Variants in DNAH2 observed in about 807,000 individuals in gnomAD.
The protein encoded by DNAH2 is axonemal beta dynein heavy chain 2.
Under a neutral mutation model 523.5 loss-of-function variants are expected in DNAH2, and 323 were observed. That is an observed-to-expected ratio of 0.62 (90% CI 0.56 to 0.68). DNAH2 has a LOEUF of 0.68. Among genes scored for constraint, DNAH2 ranks in the 30% least tolerant of loss-of-function variants. The pLI, the probability that DNAH2 is intolerant of heterozygous loss-of-function variation, is 0.00. For synonymous variants in DNAH2, 2,093 were observed against 2,177.4 expected (o/e 0.96, Z 1.08); for missense variants, 4,907 against 5,701.5 (o/e 0.86, Z 4.49).
At chr17:7,804,187 G>A (rs2077299385) in intron 58 of DNAH2, 69 bp from the exon 59 acceptor site, 1 of 1,516,686 alleles carries the variant, frequency 6.6e-7, no homozygotes, top group Non-Finnish European at 9.0e-7. Flanking sequence ...CGGGGAAGGT[G>A]GACCTTACAG....
chr17:7,817,706 A>G lies in DNAH2; in HGVS notation c.10166A>G (p.Asn3389Ser). 6.2e-7 allele frequency: 1 copy of G among 1,614,078 alleles called. No individual in the cohort carries two copies. Among genetic ancestry groups the G allele is most frequent in the Non-Finnish European group, 8.5e-7 (1 of 1,179,984 alleles). Residue 3389 changes from asparagine to serine, a missense_variant, in exon 66 of 86, where the codon AAC becomes AGC. Transcript: ENST00000572933. ...TENGIIVTRG[N>S]RWALMIDPQA... ...AATGGCATCATCGTCACCCGAGGCA[A>G]CAGGTGAGGGTGCTGCTGGGCGTGG...
At chr17:7,802,854 G>A (rs1466786606) in intron 58 of DNAH2, among the ~76,000 whole-genome samples, 1 of 145,642 alleles carries the variant, frequency 6.9e-6, no homozygotes, top group Non-Finnish European at 1.5e-5. Context: ...TGTATTTTTA[G>A]TAGAGACAGG....
At chr17:7,784,402 G>T (rs1348123168) in intron 39 of DNAH2, among the ~76,000 whole-genome samples, 1 of 152,150 alleles carries the variant, frequency 6.6e-6, no homozygotes, top group African/African-American at 2.4e-5. Context: ...AATCGGCCAG[G>T]CATGTTGGCT....
chr17:7,757,322 T>G (rs2075872209), intron 13 of DNAH2, 85 bp downstream of exon 13: 1 of 1,489,658 alleles, frequency 6.7e-7, no homozygotes, highest in Non-Finnish European at 9.0e-7. Context: ...TGTTGTTCAT[T>G]TTCTACAATT....
At position 7,771,406 on chromosome 17, in the gene DNAH2, G is replaced by A; in HGVS notation, c.4439G>A (p.Trp1480Ter). 6.2e-7 allele frequency: 1 copy of A among 1,613,998 alleles called. No homozygotes were observed. Among genetic ancestry groups the A allele is most frequent in the Admixed American group, 1.7e-5 (1 of 59,994 alleles). ...STLFDQVNSN[W>*]KAIMDRMNKD... The stretch of plus-strand genomic sequence containing the variant: ...TTATTTGACCAGGTCAACAGCAACT[G>A]GAAAGCCATCATGGACAGGATGAAC... Residue 1480 changes from tryptophan to a stop codon, truncating the protein, a stop_gained, in exon 28 of 86, where the codon TGG becomes TAG. Coordinates refer to ENST00000572933, the MANE Select transcript of DNAH2 (RefSeq NM_020877.5). LOFTEE classifies it high-confidence loss of function.
In DNAH2 at chr17:7,786,442, T is replaced by C; in HGVS notation, c.6348+100T>C. The C allele has an allele frequency of 6.7e-7, 1 of 1,487,782 alleles. No homozygotes were observed. The highest frequency in any genetic ancestry group is 9.2e-7 in the Non-Finnish European group (1 of 1,091,556). 92.2% of individuals were successfully genotyped at this position (1,487,782 alleles called of 1,614,324 possible). On this transcript the variant is annotated intron_variant, in intron 40 of 85. Transcript: ENST00000572933. The surrounding 1 kb of genome is among the most constrained non-coding windows in gnomAD (Gnocchi z 7.5). ...GAGGACCTTGCAAGGCCGGGAGAGCTGTACCTGGGACCATGGTGGCCTGGA... is the reference window on the plus strand; with the variant it reads ...GAGGACCTTGCAAGGCCGGGAGAGCCGTACCTGGGACCATGGTGGCCTGGA...
At chr17:7,755,805 T>A (rs1399705840) in intron 12 of DNAH2, among the ~76,000 whole-genome samples, 1 of 139,384 alleles carries the variant, frequency 7.2e-6, no homozygotes, top group East Asian at 2.0e-4. Context: ...TTGCCTGGTA[T>A]CTCTTTTTTT....
chr17:7,750,567 G>C (rs992737231), intron 12 of DNAH2, among the ~76,000 whole-genome samples: 1 of 152,072 alleles, frequency 6.6e-6, no homozygotes, highest in African/African-American at 2.4e-5. Context: ...CCCTCTGCTT[G>C]TTGTACATTT....
intron 50 of DNAH2, among the ~76,000 whole-genome samples, chr17:7,796,943 A>AAC (rs2151284660): frequency 6.7e-6 from 1 of 148,960 alleles, no homozygotes; most frequent in Non-Finnish European, 1.5e-5. Flanking sequence ...TACAAAAAAA[A>AAC]AAAAAAAAAT....
intron 63 of DNAH2, among the ~76,000 whole-genome samples, chr17:7,813,467 T>A (rs2077575948): frequency 6.6e-6 from 1 of 152,194 alleles, no homozygotes; most frequent in Non-Finnish European, 1.5e-5. Context: ...GTAGGAGACT[T>A]GTTACATAAA....
At chr17:7,793,518 C>CTT (rs1227502000) in intron 48 of DNAH2, among the ~76,000 whole-genome samples, 3 of 75,198 alleles carry the variant, frequency 4.0e-5, no homozygotes, top group Non-Finnish European at 6.2e-5. Flanking sequence ...TTTCTTTCTT[C>CTT]TCTTTCTCTT....
rs1435060459 is a variant in DNAH2, at chr17:7,807,011, AGG to A, written c.9443-136_9443-135del. The A allele has an allele frequency of 4.1e-6, 4 of 980,596 alleles. No individual in the cohort carries two copies. In the African/African-American group the frequency reaches 4.9e-5, roughly 12 times the overall value. The allele number at this position is 980,596 out of a possible 1,614,324, so 60.7% of individuals were successfully genotyped here. On this transcript the variant is annotated intron_variant, in intron 61 of 85. Coordinates refer to ENST00000572933, the MANE Select transcript of DNAH2 (RefSeq NM_020877.5). The surrounding 1 kb of genome is among the most constrained non-coding windows in gnomAD (Gnocchi z 5.6). Reference sequence around the variant, plus strand: ...CAGAGTCAAGTCAGAGGGAGGAACTAGGGGCCAGGTCAGATAATTTGGCCTTA... The same window carrying A: ...CAGAGTCAAGTCAGAGGGAGGAACTAGGCCAGGTCAGATAATTTGGCCTTA...
chr17:7,769,544 T>C (rs2076260727), intron 24 of DNAH2, among the ~76,000 whole-genome samples: 1 of 152,240 alleles, frequency 6.6e-6, no homozygotes, highest in African/African-American at 2.4e-5. Context: ...TTTTTGCCTT[T>C]GTGCCTTGTT....
Position 7,770,864 on chromosome 17 carries a change from C to T in DNAH2, c.4293C>T (p.Arg1431=), listed in dbSNP as rs1472277295. 2 of 1,614,064 alleles carry T rather than the reference C, an allele frequency of 1.2e-6. No homozygotes were observed. The highest frequency in any genetic ancestry group is 1.7e-6 in the Non-Finnish European group (2 of 1,180,048). Residue 1431 remains arginine, a synonymous_variant, in exon 27 of 86, where the codon CGC becomes CGT. Coordinates refer to ENST00000572933, the MANE Select transcript of DNAH2 (RefSeq NM_020877.5). ...AGAAGGATGTGGACCACTGGGAACG[C>T]TGCCTCTCCCTCATTTTGGAGGTTA... The part of the protein sequence containing the change: ...AFEKDVDHWE[R]CLSLILEVIE...
chr17:7,742,582 C>T lies in DNAH2; in HGVS notation c.1690-346C>T, dbSNP rs78264166. On this transcript the variant is annotated intron_variant, in intron 11 of 85. Transcript: ENST00000572933. ...AGGCTGGTTTGGGCCTGGTGGACTA[C>T]GCCCAGGCTAGGAAGGGCTGATACT... is the stretch of plus-strand genomic sequence containing the variant. Among the ~76,000 whole-genome samples, 8 of 152,236 alleles carry T rather than the reference C, an allele frequency of 5.3e-5. No homozygotes were observed. The East Asian group carries it at 1.2e-3, about 22-fold the overall frequency.
chr17:7,727,605 A>T (rs2074859636), intron 4 of DNAH2, among the ~76,000 whole-genome samples: 2 of 151,876 alleles, frequency 1.3e-5, no homozygotes, highest in East Asian at 3.9e-4. Flanking sequence ...AAAATACAAA[A>T]ATTAGCCAGA....
Position 7,832,630 on chromosome 17 carries a change from C to T in DNAH2, c.12778C>T (p.Arg4260Cys), listed in dbSNP as rs2078215301. ...LAAWTRDLAM[R>C]VEQFELWASR... ...TGCCTGGACCCGGGACTTGGCCATG[C>T]GTGTGGAGCAGTTTGAGCTGTGGGC... Residue 4260 changes from arginine (R) to cysteine (C), a missense_variant, in exon 83 of 86, where the codon CGT (arginine) becomes TGT (cysteine). Transcript: ENST00000572933. The surrounding 1 kb of genome is among the most constrained non-coding windows in gnomAD (Gnocchi z 4.3). 1.9e-6 allele frequency: 3 copies of T among 1,614,160 alleles called. No homozygotes were observed. The highest frequency in any genetic ancestry group is 1.3e-5 in the African/African-American group (1 of 75,052).
At chr17:7,778,879 C>T (rs1350933530) in intron 35 of DNAH2, among the ~76,000 whole-genome samples, 1 of 152,158 alleles carries the variant, frequency 6.6e-6, no homozygotes, top group South Asian at 2.1e-4. Context: ...ACGTATAATT[C>T]TTACAACTAG....
chr17:7,822,821 T>C (rs1157028297), intron 73 of DNAH2, among the ~76,000 whole-genome samples: 1 of 152,124 alleles, frequency 6.6e-6, no homozygotes, highest in Non-Finnish European at 1.5e-5. Context: ...GTAAATAGTT[T>C]GTGCTTCTGT....
Sources: allele counts gnomAD v4.1 joint callset (sites outside exome capture counted in the v4.1 genomes callset), GRCh38; gene constraint gnomAD v4.1.1; non-coding constraint Gnocchi (gnomAD v3.1); transcripts MANE v1.5; gene names NCBI Gene and HGNC (gene_info 2026-07-23, HGNC 2026-07-21).